The following DIDO1 variants were observed in gnomAD, a reference collection of about 807,000 sequenced individuals.
DIDO1 encodes death-inducer obliterator 1.
Under a neutral mutation model 99.4 loss-of-function variants are expected in DIDO1, and 16 were observed. The ratio of observed to expected loss-of-function variants is 0.16; its 90% CI spans 0.11 to 0.24. DIDO1 has a LOEUF of 0.24. Among genes scored for constraint, DIDO1 ranks in the 10% least tolerant of loss-of-function variants. The probability of loss-of-function intolerance (pLI) is 1.00; values close to 1 mark genes in which losing one functional copy is unlikely to be tolerated. For missense variants in DIDO1, 2,996 were observed against 3,014.0 expected (o/e 0.99, Z 0.14); for synonymous variants, 1,366 against 1,239.1 (o/e 1.10, Z -2.15).
rs143224545 is a variant in DIDO1 at position 62,888,397 on chromosome 20, G to A, written c.3541+2563C>T. On this transcript the variant is annotated intron_variant, in intron 15 of 15. Coordinates refer to ENST00000395343, the MANE Select transcript of DIDO1 (RefSeq NM_001193369.2). Reference sequence around the variant, plus strand: ...GGGCAGCTCAAGGCTGGGGCGCCAGGTCTCCTTCAGGCCTGTGCTGCATGT... The same window carrying A: ...GGGCAGCTCAAGGCTGGGGCGCCAGATCTCCTTCAGGCCTGTGCTGCATGT... 6.0e-3 allele frequency: 5,953 copies of A among 985,538 alleles called. 25 individuals carry two copies. The highest frequency in any genetic ancestry group is 6.9e-3 in the Non-Finnish European group (5,721 of 829,970). 61.0% of individuals were successfully genotyped at this position (985,538 alleles called of 1,614,324 possible). A position where few individuals can be genotyped will look rare whatever the true frequency, so the allele number is the denominator to read the frequency against.
chr20:62,906,023 C>T lies in DIDO1; in HGVS notation c.1452G>A (p.Val484=), dbSNP rs1238004662. ...CGAGTGCTTCACTCCGCGCAGGGAC[C>T]ACCACTGCCTTCTTCACTGTGGTCT... The part of the protein sequence containing the change: ...KKETTVKKAV[V]VPARSEALGK... Residue 484 remains valine (V), a synonymous_variant, in exon 6 of 16, where the codon GTG becomes GTA. Transcript: ENST00000395343. 1.2e-6 allele frequency: 2 copies of T among 1,613,858 alleles called. No homozygotes were observed. Among genetic ancestry groups the T allele is most frequent in the African/African-American group, 2.7e-5 (2 of 74,934 alleles).
intron 1 of DIDO1, among the ~76,000 whole-genome samples, chr20:62,937,639 A>G (rs1009506900): frequency 6.6e-6 from 1 of 152,218 alleles, no homozygotes; most frequent in African/African-American, 2.4e-5. Flanking sequence ...GTCTCGGGTC[A>G]GCCGTCTCTC....
chr20:62,892,463 C>T (rs113580540), intron 13 of DIDO1, among the ~76,000 whole-genome samples: 1,606 of 152,262 alleles, frequency 0.011, 24 homozygotes, highest in African/African-American at 0.037. Context: ...TGCGCCACCC[C>T]GCAAGTGGCC....
intron 6 of DIDO1, chr20:62,905,400 A>C: frequency 5.4e-6 from 8 of 1,470,664 alleles, no homozygotes; most frequent in Non-Finnish European, 7.2e-6. Flanking sequence ...AATCAGATGC[A>C]ACACTAACTT....
chr20:62,880,732 T>C lies in DIDO1; in HGVS notation c.5224A>G (p.Lys1742Glu), dbSNP rs1331254844. The change falls in exon 16 of 16, where the codon AAA (lysine) becomes GAA (glutamate). Residue 1742 changes from lysine to glutamate, a missense_variant. Coordinates refer to ENST00000395343, the MANE Select transcript of DIDO1 (RefSeq NM_001193369.2). ...GTAPLPPPGQ[K>E]VGGSQPPFQG... is the part of the protein sequence containing the mutation. ...AACGGGGGCTGAGAGCCCCCCACTTTCTGTCCTGGTGGGGGGAGCGGGGCG... is the reference window on the plus strand; with the variant it reads ...AACGGGGGCTGAGAGCCCCCCACTTCCTGTCCTGGTGGGGGGAGCGGGGCG... 6.2e-7 allele frequency: 1 copy of C among 1,612,690 alleles called. No individual in the cohort carries two copies. Among genetic ancestry groups the C allele is most frequent in the Non-Finnish European group, 8.5e-7 (1 of 1,179,882 alleles).
chr20:62,896,400 GAATA>G lies in DIDO1; in HGVS notation c.2055-12_2055-9del, dbSNP rs1252948964. 4.4e-6 allele frequency: 7 copies of G among 1,601,004 alleles called. No individual in the cohort carries two copies. The highest frequency in any genetic ancestry group is 2.7e-5 in the African/African-American group (2 of 73,452). On this transcript the variant is annotated splice_polypyrimidine_tract_variant and intron_variant, in intron 7 of 15. Transcript: ENST00000395343. This position sits in a 1 kb window ranked among gnomAD's most constrained non-coding sequence, Gnocchi z 4.4. The stretch of plus-strand genomic sequence containing the variant: ...TCATCGCTGTCATTGACTCTGAACA[GAATA>G]AAAAAAAGGAACTACATAAGACACT...
At chr20:62,904,724 G>A (rs1044052435) in intron 6 of DIDO1, among the ~76,000 whole-genome samples, 30 of 141,116 alleles carry the variant, frequency 2.1e-4, no homozygotes, top group African/African-American at 7.5e-4. Context: ...AGCTTGCAGT[G>A]AGCCGAGATC....
At chr20:62,906,538 C>A (rs2064808929) in intron 5 of DIDO1, among the ~76,000 whole-genome samples, 1 of 152,230 alleles carries the variant, frequency 6.6e-6, no homozygotes, top group South Asian at 2.1e-4. Context: ...AAAATTAAGT[C>A]ATTCAAAGGC....
In DIDO1 at chr20:62,896,019, C is replaced by T. The variant is rs2064512056; in HGVS notation, c.2214+214G>A. On this transcript the variant is annotated intron_variant, in intron 8 of 15. Coordinates refer to ENST00000395343, the MANE Select transcript of DIDO1 (RefSeq NM_001193369.2). The surrounding 1 kb of genome is among the most constrained non-coding windows in gnomAD (Gnocchi z 4.4). ...GGTGGACTTCAGGGAAGCCAGGAAG[C>T]GGACGCGACCCTAGTTAAGGCAGGG... 1.3e-5 allele frequency among the ~76,000 whole-genome samples: 2 copies of T among 152,138 alleles called. No individual in the cohort carries two copies.
In DIDO1 at chr20:62,878,926, AAC is replaced by A; in HGVS notation, c.*305_*306del. 7.6e-6 allele frequency: 2 copies of A among 264,530 alleles called. No homozygotes were observed. The highest frequency in any genetic ancestry group is 1.4e-5 in the Non-Finnish European group (2 of 142,158). The allele number at this position is 264,530 out of a possible 1,614,324, so 16.4% of individuals were successfully genotyped here. A position where few individuals can be genotyped will look rare whatever the true frequency, so the allele number is the denominator to read the frequency against. ...AAGGTATGGCTCTAGGGTCCAACGA[AAC>A]TCCCTTAAAATTTACAATAAAGTTA... On this transcript the variant is annotated 3_prime_UTR_variant, in exon 16 of 16. Transcript: ENST00000395343.
At position 62,880,677 on chromosome 20, in the gene DIDO1, G is replaced by A. The variant is rs368162769; in HGVS notation, c.5279C>T (p.Ala1760Val). The A allele has an allele frequency of 1.2e-6, 2 of 1,612,660 alleles. No individual in the cohort carries two copies. Among genetic ancestry groups the A allele is most frequent in the Non-Finnish European group, 1.7e-6 (2 of 1,179,966 alleles). The change falls in exon 16 of 16, where the codon GCT (alanine) becomes GTT (valine). Residue 1760 changes from alanine to valine, a missense_variant. Ala to Val is a moderately conservative substitution (Grantham distance 64). Around this residue, in one of 5 missense-constraint regions of DIDO1, gnomAD observed 1,562 missense variants for 1,412.6 expected, o/e 1.11. Coordinates refer to ENST00000395343, the MANE Select transcript of DIDO1 (RefSeq NM_001193369.2). The stretch of plus-strand genomic sequence containing the variant: ...GCCGTGAAGCCCTGACATCCCCAAA[G>A]CATGAGGTCCAGGTTCCCGCTGACC... Reference protein sequence around the residue: ...FQGQREPGPHALGMSGLHGPN... With the variant: ...FQGQREPGPHVLGMSGLHGPN...
At chr20:62,905,820 G>A (rs1433702839) in intron 6 of DIDO1, 67 bp downstream of exon 6, 1 of 1,613,900 alleles carries the variant, frequency 6.2e-7, no homozygotes, top group South Asian at 1.1e-5. Flanking sequence ...TCCTGGACAG[G>A]CCCAGGGGAT....
intron 1 of DIDO1, among the ~76,000 whole-genome samples, chr20:62,933,192 CA>C: frequency 6.6e-6 from 1 of 151,994 alleles, no homozygotes; most frequent in East Asian, 1.9e-4. Context: ...GCCTGGGCAA[CA>C]AGAGTGAAAT....
intron 2 of DIDO1, among the ~76,000 whole-genome samples, 183 bp downstream of exon 2, chr20:62,914,027 T>C (rs947230751): frequency 6.6e-6 from 1 of 152,236 alleles, no homozygotes; most frequent in East Asian, 1.9e-4. Flanking sequence ...CTGCAGCTGG[T>C]TGAATCCACA....
chr20:62,905,652 C>T (rs1600980496), intron 6 of DIDO1: 2 of 1,577,024 alleles, frequency 1.3e-6, no homozygotes, highest in African/African-American at 2.7e-5. Flanking sequence ...TGAACGTTCA[C>T]CAGTGAGGTT....
Position 62,894,847 on chromosome 20 carries a change from G to A in DIDO1, c.2399C>T (p.Pro800Leu), listed in dbSNP as rs963441377. 3 of 1,614,112 alleles carry A rather than the reference G, an allele frequency of 1.9e-6. No individual in the cohort carries two copies. Among genetic ancestry groups the A allele is most frequent in the African/African-American group, 1.3e-5 (1 of 75,038 alleles). The part of the protein sequence containing the change: ...KKTAPRQEAI[P>L]DLEDSPPVSD... ...CACTGGCGGAGAGTCCTCCAGATCG[G>A]GGATGGCCTCCTGCCTGGGGGCCGT... is the stretch of plus-strand genomic sequence containing the variant. Residue 800 changes from proline (P) to leucine (L), a missense_variant, in exon 10 of 16, where the codon CCC becomes CTC. Coordinates refer to ENST00000395343, the MANE Select transcript of DIDO1 (RefSeq NM_001193369.2). The surrounding 1 kb of genome is among the most constrained non-coding windows in gnomAD (Gnocchi z 4.4).
chr20:62,890,021 C>G (rs1187784910), intron 15 of DIDO1: 1 of 985,352 alleles, frequency 1.0e-6, no homozygotes, highest in African/African-American at 1.7e-5. Context: ...AGGACCCCAG[C>G]TAGCTAGGGT....
At chr20:62,889,801 T>A in intron 15 of DIDO1, 1 of 985,446 alleles carries the variant, frequency 1.0e-6, no homozygotes, top group African/African-American at 1.7e-5. Context: ...CTTTTAAAAA[T>A]TTATCTGGCA....
chr20:62,935,055 C>T (rs1445031276), intron 1 of DIDO1, among the ~76,000 whole-genome samples: 2 of 152,190 alleles, frequency 1.3e-5, no homozygotes, highest in African/African-American at 2.4e-5. Context: ...CCCACAGGCA[C>T]CTCCAATTGA....
Sources: allele counts gnomAD v4.1 joint callset (sites outside exome capture counted in the v4.1 genomes callset), GRCh38; gene constraint gnomAD v4.1.1; regional missense constraint gnomAD v4.1.1; non-coding constraint Gnocchi (gnomAD v3.1); transcripts MANE v1.5; gene names NCBI Gene and HGNC (gene_info 2026-07-23, HGNC 2026-07-21).